The following EML6 variants were observed in gnomAD, a reference collection of about 807,000 sequenced individuals.
EML6 encodes EMAP like 6, also known as echinoderm microtubule-associated protein-like 6.
In EML6, 154 loss-of-function variants were observed where a neutral mutation model predicts 240.1. The observed-to-expected ratio is 0.64, with a 90% CI of 0.56 to 0.73. EML6 has a LOEUF of 0.73. EML6 is among the 30% of genes least tolerant of loss of function. The probability of loss-of-function intolerance (pLI) is 0.00; values close to 1 mark genes in which losing one functional copy is unlikely to be tolerated. For synonymous variants in EML6, 1,148 were observed against 899.0 expected, an observed-to-expected ratio of 1.28 and a Z score of -4.95; for missense variants, 2,964 against 2,474.6, an observed-to-expected ratio of 1.20 and a Z score of -4.20.
At chr2:54,886,418 C>G (rs1245633226) in intron 17 of EML6, among the ~76,000 whole-genome samples, 1 of 152,162 alleles carries the variant, frequency 6.6e-6, no homozygotes, top group East Asian at 1.9e-4. Context: ...GATCCGCCCA[C>G]CTCAGCCCCC....
intron 17 of EML6, among the ~76,000 whole-genome samples, chr2:54,889,543 TTTA>T (rs2104077443): frequency 6.6e-6 from 1 of 151,846 alleles, no homozygotes; most frequent in African/African-American, 2.4e-5. Flanking sequence ...CCTTGTTATT[TTTA>T]TTGTTTATAA....
chr2:54,913,077 T>TC (rs1403112808), intron 25 of EML6, among the ~76,000 whole-genome samples: 2 of 151,476 alleles, frequency 1.3e-5, no homozygotes, highest in African/African-American at 4.8e-5. Flanking sequence ...TTCTGTTTTT[T>TC]TTTTTTTTTT....
At chr2:54,959,294 G>A (rs374053049) in intron 34 of EML6, 33 bp downstream of exon 34, 210 of 1,484,636 alleles carry the variant, frequency 1.4e-4, no homozygotes, top group Non-Finnish European at 1.8e-4. Context: ...ACAACTTGTC[G>A]TTTGTTGTTA....
chr2:54,797,576 A>T (rs1669890426), intron 2 of EML6, among the ~76,000 whole-genome samples: 1 of 152,128 alleles, frequency 6.6e-6, no homozygotes, highest in Non-Finnish European at 1.5e-5. Flanking sequence ...TAGTCTACTA[A>T]GTGTGCAATA....
intron 11 of EML6, among the ~76,000 whole-genome samples, chr2:54,858,705 G>A (rs1670519420): frequency 6.6e-6 from 1 of 152,196 alleles, no homozygotes; most frequent in Admixed American, 6.5e-5. Context: ...GTATGAGCAT[G>A]ACATGTAGCA....
intron 22 of EML6, 27 bp downstream of exon 22, chr2:54,899,809 T>C: frequency 6.5e-7 from 1 of 1,535,972 alleles, no homozygotes; most frequent in South Asian, 1.2e-5. Flanking sequence ...TACACATCTG[T>C]CAGAGTATTT....
rs1263659563 is a variant in EML6 at position 54,928,754 on chromosome 2, A to G, written c.4004+3A>G. 1.3e-6 allele frequency: 2 copies of G among 1,551,810 alleles called. No individual in the cohort carries two copies. Among genetic ancestry groups the G allele is most frequent in the Admixed American group, 2.0e-5 (1 of 51,012 alleles). On this transcript the variant is annotated splice_donor_region_variant and intron_variant, in intron 28 of 41. Transcript: ENST00000356458. ...AAGGAAGTTTCCGTGGAAGAAAGGTATGGTGTTGCCAGGTTTGCTTGCTTT... is the reference window on the plus strand; with the variant it reads ...AAGGAAGTTTCCGTGGAAGAAAGGTGTGGTGTTGCCAGGTTTGCTTGCTTT...
intron 26 of EML6, among the ~76,000 whole-genome samples, chr2:54,926,294 G>T (rs1253907550): frequency 6.6e-6 from 1 of 152,122 alleles, no homozygotes; most frequent in Non-Finnish European, 1.5e-5. Flanking sequence ...TAGAGTCAGG[G>T]TTTCACCATG....
intron 5 of EML6, among the ~76,000 whole-genome samples, chr2:54,822,014 C>T (rs567409282): frequency 7.2e-5 from 11 of 151,916 alleles, no homozygotes; most frequent in South Asian, 2.1e-4. Context: ...AGAGGGAAAC[C>T]GCAAACTAGC....
chr2:54,951,316 T>A (rs1446588639), intron 30 of EML6, among the ~76,000 whole-genome samples: 2 of 152,134 alleles, frequency 1.3e-5, no homozygotes, highest in Non-Finnish European at 2.9e-5. Flanking sequence ...GCGGATCACC[T>A]GAGGTCAGGA....
In EML6 at chr2:54,916,945, C is replaced by T. The variant is rs1206775695; in HGVS notation, c.3675+10C>T. ...TTCATATCCTGTCAAGGTAATATTG[C>T]GTGTTTATTATCTTTACTTGCTCAG... On this transcript the variant is annotated intron_variant, in intron 26 of 41. Transcript: ENST00000356458. The T allele has an allele frequency of 2.1e-5, 32 of 1,516,396 alleles. No individual in the cohort carries two copies. The highest frequency in any genetic ancestry group is 1.4e-4 in the African/African-American group (10 of 72,444). 93.9% of individuals were successfully genotyped at this position (1,516,396 alleles called of 1,614,324 possible).
intron 19 of EML6, among the ~76,000 whole-genome samples, chr2:54,893,507 A>C (rs1672590425): frequency 1.3e-5 from 2 of 152,186 alleles, no homozygotes; most frequent in African/African-American, 4.8e-5. Context: ...CAACTCTGAA[A>C]GTTCCCACAT....
At chr2:54,920,216 G>C (rs1674150615) in intron 26 of EML6, among the ~76,000 whole-genome samples, 1 of 151,942 alleles carries the variant, frequency 6.6e-6, no homozygotes, top group Non-Finnish European at 1.5e-5. Context: ...AAAGAGAATA[G>C]AAAAGACCAA....
chr2:54,917,491 G>C (rs1461313648), intron 26 of EML6, among the ~76,000 whole-genome samples: 1 of 151,564 alleles, frequency 6.6e-6, no homozygotes. Context: ...AGCCTCCCGA[G>C]TAGCTGGATT....
At chr2:54,787,910 C>T (rs1345499439) in intron 2 of EML6, among the ~76,000 whole-genome samples, 1 of 152,152 alleles carries the variant, frequency 6.6e-6, no homozygotes, top group Non-Finnish European at 1.5e-5. Flanking sequence ...CACCCCGTCC[C>T]CCGAGGCCTA....
Position 54,847,516 on chromosome 2 carries a change from C to A in EML6, c.1080C>A (p.Ile360=). ...RLWSLADHAL[I]ARCNMEEAVR... ...GGAGCCTGGCTGATCATGCCTTGAT[C>A]GCCCGCTGTAACATGGAAGAGGCGG... Residue 360 remains isoleucine, a synonymous_variant, in exon 9 of 42, where the codon ATC becomes ATA. Coordinates refer to ENST00000356458, the MANE Select transcript of EML6 (RefSeq NM_001039753.4). 1.9e-6 allele frequency: 3 copies of A among 1,551,822 alleles called. No individual in the cohort carries two copies. The highest frequency in any genetic ancestry group is 2.0e-5 in the Admixed American group (1 of 50,998).
In EML6 at chr2:54,912,284, G is replaced by A. The variant is rs532453621; in HGVS notation, c.3498+1242G>A. Among the ~76,000 whole-genome samples the A allele has an allele frequency of 5.9e-4, 90 of 152,256 alleles. 1 individual carries two copies. Among genetic ancestry groups the A allele is most frequent in the African/African-American group, 1.9e-3 (80 of 41,538 alleles). On this transcript the variant is annotated intron_variant, in intron 25 of 41. Coordinates refer to ENST00000356458, the MANE Select transcript of EML6 (RefSeq NM_001039753.4). ...ATTCCAATTTATTTGTCTCTGATCC[G>A]TCCTCTTTTTAACTTTTTTATATGG...
Position 54,863,765 on chromosome 2 carries a change from T to G in EML6, c.1826-18T>G. The G allele has an allele frequency of 7.2e-7, 1 of 1,390,976 alleles. No homozygotes were observed. Among genetic ancestry groups the G allele is most frequent in the African/African-American group, 1.4e-5 (1 of 69,656 alleles). The allele number at this position is 1,390,976 out of a possible 1,614,324, so 86.2% of individuals were successfully genotyped here. A position where few individuals can be genotyped will look rare whatever the true frequency, so the allele number is the denominator to read the frequency against. On this transcript the variant is annotated intron_variant, in intron 12 of 41. Transcript: ENST00000356458. ...TCTCAGAATTTTTGCTTGTTTCTTG[T>G]GGGTTGTATCTCTGCAGAAGGTGGA...
At chr2:54,941,993 A>T (rs536077635) in intron 28 of EML6, among the ~76,000 whole-genome samples, 79 of 152,366 alleles carry the variant, frequency 5.2e-4, no homozygotes, top group African/African-American at 1.7e-3. Context: ...TTGCTTAGTT[A>T]GGTAACTCCA....
Sources: gnomAD v4.1 joint callset for allele counts (sites outside exome capture counted in the v4.1 genomes callset) on GRCh38, gnomAD v4.1.1 for gene constraint, MANE v1.5 for transcripts, NCBI Gene and HGNC (gene_info 2026-07-23, HGNC 2026-07-21) for gene names.